The following ATM variants were observed in gnomAD, a reference collection of about 807,000 sequenced individuals.
The protein encoded by ATM is serine-protein kinase ATM.
Under a neutral mutation model 387.0 loss-of-function variants are expected in ATM, and 308 were observed. That is an observed-to-expected ratio of 0.80 (90% CI 0.73 to 0.87). The LOEUF (loss-of-function observed/expected upper bound fraction) is 0.87. Among genes scored for constraint, ATM ranks in the 40% least tolerant of loss-of-function variants. ATM has a pLI of 0.00. For missense variants in ATM, 3,312 were observed against 3,560.9 expected (o/e 0.93, Z 1.78); for synonymous variants, 1,156 against 1,187.3 (o/e 0.97, Z 0.54).
chr11:108,360,449 G>T (rs2090589881), intron 61 of ATM, among the ~76,000 whole-genome samples: 1 of 130,174 alleles, frequency 7.7e-6, no homozygotes, highest in Non-Finnish European at 1.6e-5. Context: ...CATTTTATGA[G>T]GCCAGCATCA....
intron 3 of ATM, among the ~76,000 whole-genome samples, chr11:108,228,729 A>G (rs2135026593): frequency 6.6e-6 from 1 of 152,324 alleles, no homozygotes; most frequent in African/African-American, 2.4e-5. Flanking sequence ...ACTATTTTGT[A>G]TAAGCTGATC....
At chr11:108,254,109 A>G in intron 13 of ATM, 70 bp downstream of exon 13, 12 of 1,472,654 alleles carry the variant, frequency 8.1e-6, no homozygotes, top group Non-Finnish European at 1.1e-5. Flanking sequence ...GGAAGGAGAA[A>G]TAGGGGCAGG....
intron 31 of ATM, among the ~76,000 whole-genome samples, chr11:108,294,595 T>C (rs960565002): frequency 6.6e-6 from 1 of 152,110 alleles, no homozygotes; most frequent in Non-Finnish European, 1.5e-5. Context: ...CAAAATTAGC[T>C]GGGCGTGGTG....
At chr11:108,268,039 C>A (rs1483764935) in intron 17 of ATM, among the ~76,000 whole-genome samples, 1 of 152,042 alleles carries the variant, frequency 6.6e-6, no homozygotes, top group Non-Finnish European at 1.5e-5. Context: ...AGTATTTTTC[C>A]AGGTAGTTGC....
intron 46 of ATM, 122 bp downstream of exon 46, chr11:108,325,666 TA>T: frequency 1.1e-6 from 1 of 874,272 alleles, no homozygotes; most frequent in Admixed American, 2.7e-5. Flanking sequence ...TAATATATAG[TA>T]AAAATAATTG....
intron 29 of ATM, chr11:108,290,525 A>G (rs647681): frequency 0.62 from 94,856 of 152,958 alleles, 29,755 homozygotes; most frequent in Middle Eastern, 0.76. Flanking sequence ...CACCTACTCC[A>G]GAGGCTGAGG....
intron 19 of ATM, 42 bp downstream of exon 19, chr11:108,271,188 T>C (rs1439221299): frequency 3.7e-6 from 6 of 1,613,480 alleles, no homozygotes; most frequent in Non-Finnish European, 5.1e-6. Context: ...TTTAAAGTTA[T>C]AAAATAACTG....
At position 108,353,802 on chromosome 11, in the gene ATM, C is replaced by T. The variant is rs2089498194; in HGVS notation, c.8708C>T (p.Pro2903Leu). The T allele has an allele frequency of 1.2e-6, 2 of 1,614,090 alleles. No individual in the cohort carries two copies. The highest frequency in any genetic ancestry group is 1.7e-6 in the Non-Finnish European group (2 of 1,179,988). Residue 2903 changes from proline (P) to leucine (L), a missense_variant, in exon 60 of 63, where the codon CCT (proline) becomes CTT (leucine). Physicochemically the swap from Pro to Leu is moderately conservative, Grantham distance 98. Around this residue, in one of 4 missense-constraint regions of ATM, gnomAD observed 1,405 missense variants for 1,604.4 expected, o/e 0.88. Coordinates refer to ENST00000675843, the MANE Select transcript of ATM (RefSeq NM_000051.4). Reference protein sequence around the residue: ...AFEQGKILPTPETVPFRLTRD... With the variant: ...AFEQGKILPTLETVPFRLTRD... ...GAACAGGGCAAAATCCTTCCTACTC[C>T]TGAGACAGTTCCTTTTAGACTCACC...
In ATM at chr11:108,317,675, T is replaced by A. The variant is rs1241585666; in HGVS notation, c.6347+154T>A. On this transcript the variant is annotated intron_variant, in intron 43 of 62. Coordinates refer to ENST00000675843, the MANE Select transcript of ATM (RefSeq NM_000051.4). ...TATACACACACACACACACACACAC[T>A]ATATATATATACATACCATATATAT... Among the ~76,000 whole-genome samples the A allele has an allele frequency of 6.7e-3, 853 of 127,516 alleles. 15 individuals carry two copies. The highest frequency in any genetic ancestry group is 0.025 in the African/African-American group (811 of 32,256). 83.7% of individuals were successfully genotyped at this position (127,516 alleles called of 152,430 possible).
At chr11:108,308,010 C>G (rs78330259) in intron 38 of ATM, 26 bp downstream of exon 38, 10 of 1,571,960 alleles carry the variant, frequency 6.4e-6, no homozygotes, top group Non-Finnish European at 5.3e-6. Context: ...TTGCTTCTTA[C>G]GTTTAGGATC....
chr11:108,319,964 G>C lies in ATM; in HGVS notation c.6358G>C (p.Glu2120Gln), dbSNP rs2136218834. 6.2e-7 allele frequency: 1 copy of C among 1,609,944 alleles called. No individual in the cohort carries two copies. Among genetic ancestry groups the C allele is most frequent in the Non-Finnish European group, 8.5e-7 (1 of 1,176,456 alleles). The change falls in exon 44 of 63, where the codon GAA (glutamate) becomes CAA (glutamine). Residue 2120 changes from glutamate to glutamine, a missense_variant. By Grantham distance (29) the Glu-to-Gln change is conservative. Transcript: ENST00000675843. ...TGACTTATCTCACAGCAAAGAAGTA[G>C]AAGGAACCAGTTACCATGAATCATT... ...DHCTSVSKEV[E>Q]GTSYHESLYN...
intron 29 of ATM, 45 bp from the exon 30 acceptor site, chr11:108,292,572 TTC>T: frequency 6.3e-7 from 1 of 1,590,362 alleles, no homozygotes; most frequent in Non-Finnish European, 8.6e-7. Flanking sequence ...CAGAGTAATT[TTC>T]CAGAACTTAC....
chr11:108,284,515 T>TA, intron 26 of ATM, 42 bp downstream of exon 26: 2 of 1,604,234 alleles, frequency 1.2e-6, no homozygotes, highest in East Asian at 4.5e-5. Context: ...CCCTGAATGA[T>TA]ATGAGATATA....
chr11:108,261,406 G>A (rs914791987), intron 16 of ATM, among the ~76,000 whole-genome samples: 3 of 152,138 alleles, frequency 2.0e-5, no homozygotes, highest in African/African-American at 4.8e-5. Flanking sequence ...ACTCCAACAG[G>A]CCTGCAGCTG....
rs369583811 is a variant in ATM, at chr11:108,366,029, CAAAAAAAAAA to C, written c.*531_*540del. 1 of 99,896 alleles carries C rather than the reference CAAAAAAAAAA, an allele frequency of 1.0e-5. No individual in the cohort carries two copies. Among genetic ancestry groups the C allele is most frequent in the African/African-American group, 4.3e-5 (1 of 23,166 alleles). The allele number at this position is 99,896 out of a possible 1,614,324, so 6.2% of individuals were successfully genotyped here. A position where few individuals can be genotyped will look rare whatever the true frequency, so the allele number is the denominator to read the frequency against. ...GGGTGACAAGAGCGAAACTCCATCT[CAAAAAAAAAA>C]AAAAAAAAACAGAAACGTATTTGGA... On this transcript the variant is annotated 3_prime_UTR_variant, in exon 63 of 63. Coordinates refer to ENST00000675843, the MANE Select transcript of ATM (RefSeq NM_000051.4).
chr11:108,325,196 A>T lies in ATM; in HGVS notation c.6573-114A>T. ...TACAAGTTCTAGTCTTGTCACTACA[A>T]AAGTTCCTTTGTATTATTATAATAT... On this transcript the variant is annotated intron_variant, in intron 45 of 62. Transcript: ENST00000675843. 5.4e-6 allele frequency: 4 copies of T among 738,964 alleles called. No individual in the cohort carries two copies. The South Asian group carries it at 7.4e-5, about 14-fold the overall frequency. 45.8% of individuals were successfully genotyped at this position (738,964 alleles called of 1,614,324 possible). A position where few individuals can be genotyped will look rare whatever the true frequency, so the allele number is the denominator to read the frequency against.
intron 56 of ATM, 167 bp downstream of exon 56, chr11:108,336,128 C>T: frequency 1.9e-6 from 1 of 536,000 alleles, no homozygotes; most frequent in East Asian, 3.2e-5. Flanking sequence ...GAGACCCCAT[C>T]TTGACAAAAA....
intron 13 of ATM, 60 bp from the exon 14 acceptor site, chr11:108,256,155 G>A (rs2135390712): frequency 7.1e-7 from 1 of 1,401,402 alleles, no homozygotes; most frequent in East Asian, 2.7e-5. Context: ...TCTTACAAAA[G>A]ATAGAGTATA....
At chr11:108,360,706 T>G (rs2090623721) in intron 61 of ATM, among the ~76,000 whole-genome samples, 1 of 144,840 alleles carries the variant, frequency 6.9e-6, no homozygotes, top group South Asian at 2.3e-4. Context: ...CACATGATTA[T>G]CTCAATAGAT....
Sources: gnomAD v4.1 joint callset for allele counts (sites outside exome capture counted in the v4.1 genomes callset) on GRCh38, gnomAD v4.1.1 for gene constraint, gnomAD v4.1.1 regional missense constraint, MANE v1.5 for transcripts, NCBI Gene and HGNC (gene_info 2026-07-23, HGNC 2026-07-21) for gene names.